The following GRIA4 variants were observed in gnomAD, a reference collection of about 807,000 sequenced individuals.
The protein encoded by GRIA4 is glutamate receptor 4.
In GRIA4, 34 loss-of-function variants were observed where a neutral mutation model predicts 104.0. The ratio of observed to expected loss-of-function variants is 0.33; its 90% CI spans 0.25 to 0.44. GRIA4 has a LOEUF of 0.44. Ranked by LOEUF, GRIA4 falls within the 20% of genes least tolerant of loss-of-function variation. The pLI, the probability that GRIA4 is intolerant of heterozygous loss-of-function variation, is 1.00. For missense variants in GRIA4, 750 were observed against 1,096.5 expected, an observed-to-expected ratio of 0.68 and a Z score of 4.46; for synonymous variants, 386 against 381.9, an observed-to-expected ratio of 1.01 and a Z score of -0.13.
intron 3 of GRIA4, among the ~76,000 whole-genome samples, chr11:105,708,901 TAGTAAATGA>T (rs1358896653): frequency 6.6e-6 from 1 of 152,066 alleles, no homozygotes; most frequent in East Asian, 1.9e-4. Context: ...GAAGTAAATG[TAGTAAATGA>T]AGTAAATGTA....
At chr11:105,975,666 A>G (rs1858944960) in intron 16 of GRIA4, among the ~76,000 whole-genome samples, 1 of 152,132 alleles carries the variant, frequency 6.6e-6, no homozygotes, top group African/African-American at 2.4e-5. Context: ...TGAACTTCCA[A>G]GAGATATTTG....
chr11:105,909,617 T>A (rs1371826563), intron 9 of GRIA4, among the ~76,000 whole-genome samples: 3 of 152,156 alleles, frequency 2.0e-5, no homozygotes, highest in Non-Finnish European at 4.4e-5. Context: ...GACGTATACT[T>A]TTAAAAAGCA....
intron 3 of GRIA4, among the ~76,000 whole-genome samples, chr11:105,681,852 G>C (rs534160681): frequency 6.6e-6 from 1 of 151,998 alleles, no homozygotes; most frequent in African/African-American, 2.4e-5. Context: ...AACCAACCTG[G>C]TCAACATGGT....
At chr11:105,612,607 GT>G (rs5794413) in intron 3 of GRIA4, 173 bp downstream of exon 3, 422,543 of 434,338 alleles carry the variant, frequency 0.97, 205,505 homozygotes, top group Admixed American at 0.99. Flanking sequence ...ATATTTAGTT[GT>G]TTTTTTTTTC....
At chr11:105,612,584 CT>C (rs1447076292) in intron 3 of GRIA4, 150 bp downstream of exon 3, 1 of 574,376 alleles carries the variant, frequency 1.7e-6, no homozygotes, top group Non-Finnish European at 2.9e-6. Flanking sequence ...AAAAACAAGA[CT>C]TCGTTTCAGG....
At chr11:105,974,675 A>C in intron 16 of GRIA4, 1 of 1,038,298 alleles carries the variant, frequency 9.6e-7, no homozygotes, top group African/African-American at 1.6e-5. Context: ...ATTTTTGAAA[A>C]CTTCAGTGCA....
Position 105,663,390 on chromosome 11 carries a change from C to G in GRIA4, c.247+50956C>G, listed in dbSNP as rs538831756. ...ACATTTATTGCACATCTACTATATT[C>G]CAGGTACTGAGCTCTACAGATAAGT... On this transcript the variant is annotated intron_variant, in intron 3 of 16. Transcript: ENST00000282499. Among the ~76,000 whole-genome samples, 23 of 151,996 alleles carry G rather than the reference C, an allele frequency of 1.5e-4. No individual in the cohort carries two copies. In the South Asian group the frequency reaches 3.5e-3, roughly 23 times the overall value.
chr11:105,719,029 A>ATC (rs958408200), intron 3 of GRIA4, among the ~76,000 whole-genome samples: 3 of 151,992 alleles, frequency 2.0e-5, no homozygotes, highest in Non-Finnish European at 2.9e-5. Flanking sequence ...TAAAAAGCTG[A>ATC]TCTCTCTCTC....
chr11:105,708,273 A>T (rs1244367362), intron 3 of GRIA4, among the ~76,000 whole-genome samples: 1 of 152,104 alleles, frequency 6.6e-6, no homozygotes, highest in Admixed American at 6.6e-5. Context: ...ATCTCTTCAA[A>T]ACAAATACCA....
chr11:105,837,119 T>G (rs190832692), intron 4 of GRIA4, among the ~76,000 whole-genome samples: 212 of 152,072 alleles, frequency 1.4e-3, no homozygotes, highest in Admixed American at 3.9e-3. Context: ...TGTCAAACAC[T>G]TATAAAACCA....
At chr11:105,938,496 T>C (rs1019324999) in intron 14 of GRIA4, among the ~76,000 whole-genome samples, 1 of 152,192 alleles carries the variant, frequency 6.6e-6, no homozygotes, top group South Asian at 2.1e-4. Flanking sequence ...TTAGTTGCAG[T>C]GGGTTGGTAC....
rs145080958 is a variant in GRIA4, at chr11:105,696,359, C to G, written c.248-56622C>G. On this transcript the variant is annotated intron_variant, in intron 3 of 16. Transcript: ENST00000282499. Reference sequence around the variant, plus strand: ...GGGCGATGTCTTATTCTCATTATCTCTATTCTAATGTATATCACAGAGGCT... The same window carrying G: ...GGGCGATGTCTTATTCTCATTATCTGTATTCTAATGTATATCACAGAGGCT... Among the ~76,000 whole-genome samples, 767 of 152,248 alleles carry G rather than the reference C, an allele frequency of 5.0e-3. 16 individuals carry two copies. Among genetic ancestry groups the G allele is most frequent in the African/African-American group, 0.017 (714 of 41,526 alleles).
intron 4 of GRIA4, among the ~76,000 whole-genome samples, chr11:105,836,211 CAT>C (rs1944179577): frequency 6.6e-6 from 1 of 151,988 alleles, no homozygotes; most frequent in Admixed American, 6.6e-5. Flanking sequence ...AGACCCCAAT[CAT>C]AGAACAGGAA....
chr11:105,857,897 C>T (rs1945069429), intron 4 of GRIA4, among the ~76,000 whole-genome samples: 1 of 152,146 alleles, frequency 6.6e-6, no homozygotes, highest in South Asian at 2.1e-4. Context: ...CAAACAAAAA[C>T]ATCAAATAAA....
At chr11:105,640,953 G>A (rs1173676887) in intron 3 of GRIA4, among the ~76,000 whole-genome samples, 1 of 151,742 alleles carries the variant, frequency 6.6e-6, no homozygotes, top group African/African-American at 2.4e-5. Flanking sequence ...ATGTTCTGAA[G>A]CCTCAAACAG....
At chr11:105,870,809 T>A (rs544049992) in intron 5 of GRIA4, among the ~76,000 whole-genome samples, 1 of 152,184 alleles carries the variant, frequency 6.6e-6, no homozygotes, top group South Asian at 2.1e-4. Flanking sequence ...ATCATAGATG[T>A]CATCGGATGT....
intron 14 of GRIA4, among the ~76,000 whole-genome samples, chr11:105,963,044 G>C (rs563224030): frequency 2.0e-5 from 3 of 151,830 alleles, no homozygotes; most frequent in Non-Finnish European, 2.9e-5. Context: ...TATTTGAAGG[G>C]GATTTCAAAA....
rs73550997 is a variant in GRIA4 at position 105,962,326 on chromosome 11, A to C, written c.2295-9588A>C. Among the ~76,000 whole-genome samples the C allele has an allele frequency of 3.2e-3, 488 of 152,308 alleles. 6 individuals carry two copies. Among genetic ancestry groups the C allele is most frequent in the African/African-American group, 0.011 (466 of 41,594 alleles). ...GATTAAGCATGCTTTTCACAAGGAA[A>C]TCTTACTTTGCACTAGATTAATGTG... is the stretch of plus-strand genomic sequence containing the variant. On this transcript the variant is annotated intron_variant, in intron 14 of 16. Transcript: ENST00000282499.
chr11:105,950,339 G>T (rs549817103), intron 14 of GRIA4, among the ~76,000 whole-genome samples: 1 of 152,290 alleles, frequency 6.6e-6, no homozygotes, highest in East Asian at 1.9e-4. Context: ...TAATTGGCTA[G>T]AGGAAAGGAA....
Sources: allele counts gnomAD v4.1 joint callset (sites outside exome capture counted in the v4.1 genomes callset), GRCh38; gene constraint gnomAD v4.1.1; transcripts MANE v1.5; gene names NCBI Gene and HGNC (gene_info 2026-07-23, HGNC 2026-07-21).